Variants in TRPC4 observed in about 807,000 individuals in gnomAD.
The protein encoded by TRPC4 is short transient receptor potential channel 4.
Under a neutral mutation model 99.4 loss-of-function variants are expected in TRPC4, and 49 were observed. That is an observed-to-expected ratio of 0.49 (90% CI 0.39 to 0.63). TRPC4 has a LOEUF of 0.63. Ranked by LOEUF, TRPC4 falls within the 20% of genes least tolerant of loss-of-function variation. The pLI is 0.00. For missense variants in TRPC4, 898 were observed against 1,152.9 expected, an observed-to-expected ratio of 0.78 and a Z score of 3.20; for synonymous variants, 454 against 425.9, an observed-to-expected ratio of 1.07 and a Z score of -0.81.
intron 4 of TRPC4, among the ~76,000 whole-genome samples, chr13:37,691,631 T>C (rs748523390): frequency 1.3e-5 from 2 of 152,222 alleles, no homozygotes; most frequent in Non-Finnish European, 2.9e-5. Flanking sequence ...TTCTTCAGAG[T>C]AATCTGCATG....
At chr13:37,760,493 T>C (rs1203429558) in intron 2 of TRPC4, among the ~76,000 whole-genome samples, 1 of 151,962 alleles carries the variant, frequency 6.6e-6, no homozygotes, top group Non-Finnish European at 1.5e-5. Flanking sequence ...GAACCCATTT[T>C]CAGAAAAGGA....
At chr13:37,689,393 G>A (rs1486987153) in intron 4 of TRPC4, among the ~76,000 whole-genome samples, 3 of 152,116 alleles carry the variant, frequency 2.0e-5, no homozygotes. Context: ...CGGATATGAG[G>A]CACTCACAAT....
At chr13:37,812,471 C>A (rs1957731091) in intron 1 of TRPC4, among the ~76,000 whole-genome samples, 1 of 151,854 alleles carries the variant, frequency 6.6e-6, no homozygotes, top group Non-Finnish European at 1.5e-5. Context: ...TTAATGATAA[C>A]TACAGTATGT....
At chr13:37,672,606 CA>C (rs1204894582) in intron 5 of TRPC4, among the ~76,000 whole-genome samples, 2 of 152,086 alleles carry the variant, frequency 1.3e-5, no homozygotes, top group Admixed American at 6.5e-5. Context: ...CACAAAACCA[CA>C]AAAAACTACA....
At chr13:37,816,479 A>T (rs1215575872) in intron 1 of TRPC4, among the ~76,000 whole-genome samples, 1 of 151,974 alleles carries the variant, frequency 6.6e-6, no homozygotes, top group Non-Finnish European at 1.5e-5. Flanking sequence ...ATTTCTGCTG[A>T]AACTATTCCA....
At chr13:37,773,322 C>T (rs17204588) in intron 2 of TRPC4, among the ~76,000 whole-genome samples, 10,104 of 151,832 alleles carry the variant, frequency 0.067, 464 homozygotes, top group Admixed American at 0.14. Flanking sequence ...CTCTCTGAGC[C>T]GCAATTTTTT....
At chr13:37,788,218 C>G (rs1035597062) in intron 1 of TRPC4, among the ~76,000 whole-genome samples, 2 of 151,988 alleles carry the variant, frequency 1.3e-5, no homozygotes, top group Non-Finnish European at 2.9e-5. Context: ...TATTTCATAC[C>G]AACCTTCACT....
chr13:37,689,536 C>T (rs1379702709), intron 4 of TRPC4, among the ~76,000 whole-genome samples: 1 of 152,158 alleles, frequency 6.6e-6, no homozygotes, highest in African/African-American at 2.4e-5. Flanking sequence ...CTCTTTTCAT[C>T]CTAAAATTCT....
chr13:37,831,305 A>G (rs1025352831), intron 1 of TRPC4, among the ~76,000 whole-genome samples: 2 of 152,244 alleles, frequency 1.3e-5, no homozygotes, highest in Admixed American at 6.5e-5. Flanking sequence ...CACTAATATC[A>G]GGGAAATGCA....
At chr13:37,686,654 A>T (rs1953491084) in intron 4 of TRPC4, among the ~76,000 whole-genome samples, 1 of 152,302 alleles carries the variant, frequency 6.6e-6, no homozygotes, top group South Asian at 2.1e-4. Context: ...TTGTTTAAAA[A>T]TTTGCTAAAT....
chr13:37,805,674 G>A lies in TRPC4; in HGVS notation c.-27-22314C>T, dbSNP rs1239981076. ...TTTGTCTTGGATGTAAACTACTCTG[G>A]ACATTACTAAATACACCCATAATTA... On this transcript the variant is annotated intron_variant, in intron 1 of 10. Coordinates refer to ENST00000379705, the MANE Select transcript of TRPC4 (RefSeq NM_016179.4). Among the ~76,000 whole-genome samples, 3 of 151,878 alleles carry A rather than the reference G, an allele frequency of 2.0e-5. No individual in the cohort carries two copies. In the East Asian group the frequency reaches 5.8e-4, roughly 29 times the overall value.
chr13:37,639,232 C>T, intron 9 of TRPC4, 26 bp downstream of exon 9: 1 of 1,613,410 alleles, frequency 6.2e-7, no homozygotes, highest in Non-Finnish European at 8.5e-7. Flanking sequence ...GTGAAAATTT[C>T]AAGACATAGT....
intron 3 of TRPC4, among the ~76,000 whole-genome samples, chr13:37,698,524 T>C (rs1953996914): frequency 6.6e-6 from 1 of 152,068 alleles, no homozygotes; most frequent in Non-Finnish European, 1.5e-5. Context: ...TATTTTCCTA[T>C]TTTTTGCTTT....
chr13:37,771,953 G>A (rs940900903), intron 2 of TRPC4, among the ~76,000 whole-genome samples: 1 of 151,612 alleles, frequency 6.6e-6, no homozygotes, highest in African/African-American at 2.4e-5. Context: ...GTGGACTTGT[G>A]AGGAGGATTT....
chr13:37,633,363 G>C lies in TRPC4; in HGVS notation c.*3540C>G, dbSNP rs977643669. 6.6e-6 allele frequency among the ~76,000 whole-genome samples: 1 copy of C among 152,104 alleles called. No individual in the cohort carries two copies. Among genetic ancestry groups the C allele is most frequent in the Non-Finnish European group, 1.5e-5 (1 of 68,018 alleles). ...AGGACACTGAGCATGGAAGGCAGCT[G>C]TATACACCATAGAAGACAGCTAAAA... On this transcript the variant is annotated 3_prime_UTR_variant, in exon 11 of 11. Transcript: ENST00000379705.
chr13:37,867,956 A>C (rs1959876814), intron 1 of TRPC4, among the ~76,000 whole-genome samples: 1 of 152,170 alleles, frequency 6.6e-6, no homozygotes. Flanking sequence ...AGAATAAGAC[A>C]TTAAAATTTC....
intron 2 of TRPC4, among the ~76,000 whole-genome samples, chr13:37,746,947 C>G (rs1196714056): frequency 6.6e-6 from 1 of 152,116 alleles, no homozygotes; most frequent in Non-Finnish European, 1.5e-5. Flanking sequence ...GTTTTAGCTT[C>G]TGCTTTCCTA....
intron 2 of TRPC4, among the ~76,000 whole-genome samples, chr13:37,781,486 C>T (rs1956839120): frequency 6.6e-6 from 1 of 152,034 alleles, no homozygotes; most frequent in Non-Finnish European, 1.5e-5. Context: ...CTTACTCATT[C>T]CTGTCTGTGT....
At position 37,677,292 on chromosome 13, in the gene TRPC4, G is replaced by A. The variant is rs577762178; in HGVS notation, c.1235-2925C>T. On this transcript the variant is annotated intron_variant, in intron 4 of 10. Transcript: ENST00000379705. ...CAATAACAGGCATAAAAGGAAAAAC[G>A]CAACGAAGAACAGATAGCAATGGGG... Among the ~76,000 whole-genome samples, 75 of 151,920 alleles carry A rather than the reference G, an allele frequency of 4.9e-4. 2 individuals are homozygous for A. In the South Asian group the frequency reaches 0.014, roughly 28 times the overall value.
Sources: gnomAD v4.1 joint callset for allele counts (sites outside exome capture counted in the v4.1 genomes callset) on GRCh38, gnomAD v4.1.1 for gene constraint, MANE v1.5 for transcripts, NCBI Gene and HGNC (gene_info 2026-07-23, HGNC 2026-07-21) for gene names.